Variants in ZFYVE16 observed in about 807,000 individuals in gnomAD.
ZFYVE16 encodes the protein zinc finger FYVE domain-containing protein 16.
A neutral mutation model predicts 138.1 loss-of-function variants in ZFYVE16; 89 were observed. The observed-to-expected ratio is 0.64, with a 90% CI of 0.54 to 0.77. The LOEUF (loss-of-function observed/expected upper bound fraction) is 0.77. ZFYVE16 is among the 30% of genes least tolerant of loss of function. The pLI is 0.00. For synonymous variants in ZFYVE16, 596 were observed against 618.3 expected (o/e 0.96, Z 0.53); for missense variants, 1,793 against 1,786.7 (o/e 1.00, Z -0.06).
At chr5:80,475,813 GTATATC>G (rs1482764026) in intron 18 of ZFYVE16, among the ~76,000 whole-genome samples, 1 of 152,174 alleles carries the variant, frequency 6.6e-6, no homozygotes, top group Non-Finnish European at 1.5e-5. Flanking sequence ...ATAAGCGTAA[GTATATC>G]TATAAGAAAA....
chr5:80,481,417 A>G lies in ZFYVE16; in HGVS notation c.*4040A>G, dbSNP rs1755265578. Among the ~76,000 whole-genome samples the G allele has an allele frequency of 6.6e-6, 1 of 152,204 alleles. No individual in the cohort carries two copies. Among genetic ancestry groups the G allele is most frequent in the Admixed American group, 6.6e-5 (1 of 15,266 alleles). On this transcript the variant is annotated 3_prime_UTR_variant, in exon 19 of 19. Transcript: ENST00000505560. ...TGTATGTGTGAAACTAACCAGAAGC[A>G]GCTGAGCAAAGGTTCTGAACACTGA...
chr5:80,437,048 A>T lies in ZFYVE16; in HGVS notation c.363A>T (p.Arg121=), dbSNP rs1382407345. ...SDEIQPLYMG[R]CSKPICDLIS... Reference sequence around the variant, plus strand: ...AAATCCAGCCGTTATATATGGGACGATGTAGTAAACCTATCTGTGATCTGA... The same window carrying T: ...AAATCCAGCCGTTATATATGGGACGTTGTAGTAAACCTATCTGTGATCTGA... Residue 121 remains arginine, a synonymous_variant, in exon 4 of 19, where the codon CGA becomes CGT. Transcript: ENST00000505560. 1 of 1,614,062 alleles carries T rather than the reference A, an allele frequency of 6.2e-7. No homozygotes were observed. The highest frequency in any genetic ancestry group is 1.3e-5 in the African/African-American group (1 of 74,940).
chr5:80,409,054 A>T lies in ZFYVE16; in HGVS notation c.-94+901A>T, dbSNP rs74901135. Among the ~76,000 whole-genome samples the T allele has an allele frequency of 1.7e-3, 264 of 152,370 alleles. 5 individuals carry two copies. In the East Asian group the frequency reaches 0.047, roughly 27 times the overall value. Reference sequence around the variant, plus strand: ...CAAAAATTGAAAAAATAGAATAAAGAATAAGGAAAAATGATCAATCATAAT... The same window carrying T: ...CAAAAATTGAAAAAATAGAATAAAGTATAAGGAAAAATGATCAATCATAAT... On this transcript the variant is annotated intron_variant, in intron 1 of 18. Coordinates refer to ENST00000505560, the MANE Select transcript of ZFYVE16 (RefSeq NM_001284236.3).
At chr5:80,456,838 A>T (rs1752577569) in intron 13 of ZFYVE16, 107 bp from the exon 14 acceptor site, 8 of 1,322,504 alleles carry the variant, frequency 6.0e-6, no homozygotes. Context: ...AGCTGTCCAG[A>T]CCGAAGCTTG....
At chr5:80,441,605 T>G in intron 5 of ZFYVE16, 4 of 985,344 alleles carry the variant, frequency 4.1e-6, no homozygotes, top group Non-Finnish European at 4.8e-6. Context: ...CATGAAGGAT[T>G]GGAAGAAAAA....
chr5:80,446,284 C>T (rs971979783), intron 7 of ZFYVE16, among the ~76,000 whole-genome samples: 1 of 151,940 alleles, frequency 6.6e-6, no homozygotes, highest in Non-Finnish European at 1.5e-5. Context: ...ATTGAGAACC[C>T]TAAAGTGCTA....
chr5:80,439,748 A>C (rs1254419095), intron 4 of ZFYVE16, among the ~76,000 whole-genome samples, 188 bp from the exon 5 acceptor site: 6 of 152,182 alleles, frequency 3.9e-5, no homozygotes. Context: ...ATCAAATTGC[A>C]GAAACCTCAT....
At chr5:80,439,418 A>G (rs368087149) in intron 4 of ZFYVE16, among the ~76,000 whole-genome samples, 1 of 152,140 alleles carries the variant, frequency 6.6e-6, no homozygotes, top group African/African-American at 2.4e-5. Context: ...TCCAGAGCAA[A>G]TTGGCTTCCA....
chr5:80,456,596 T>C (rs376980363), intron 13 of ZFYVE16, 31 bp downstream of exon 13: 2 of 1,561,818 alleles, frequency 1.3e-6, no homozygotes, highest in Non-Finnish European at 8.8e-7. Flanking sequence ...CAAATGACAA[T>C]TATTGAACAT....
chr5:80,422,151 C>G (rs1489591353), intron 1 of ZFYVE16, among the ~76,000 whole-genome samples: 1 of 152,052 alleles, frequency 6.6e-6, no homozygotes, highest in Admixed American at 6.6e-5. Flanking sequence ...AATTTTGTAT[C>G]CTGAGACTTT....
At chr5:80,449,537 A>T in intron 8 of ZFYVE16, 54 bp from the exon 9 acceptor site, 1 of 1,536,232 alleles carries the variant, frequency 6.5e-7, no homozygotes, top group Admixed American at 2.3e-5. Flanking sequence ...TTTCATTTGT[A>T]AGCATATTTA....
chr5:80,459,600 A>G (rs1370021804), intron 15 of ZFYVE16, 106 bp downstream of exon 15: 1 of 912,194 alleles, frequency 1.1e-6, no homozygotes, highest in South Asian at 1.9e-5. Context: ...TATAAAGCAC[A>G]GTACCACAAA....
intron 1 of ZFYVE16, among the ~76,000 whole-genome samples, chr5:80,414,076 T>C (rs1745853112): frequency 6.6e-6 from 1 of 152,238 alleles, no homozygotes; most frequent in Non-Finnish European, 1.5e-5. Context: ...TTATTTCCTT[T>C]CTTGTATAAT....
chr5:80,466,968 T>C (rs1210153149), intron 15 of ZFYVE16, among the ~76,000 whole-genome samples: 1 of 152,214 alleles, frequency 6.6e-6, no homozygotes, highest in Non-Finnish European at 1.5e-5. Flanking sequence ...AGCAGGCTTA[T>C]AGCCAGTGGT....
intron 2 of ZFYVE16, among the ~76,000 whole-genome samples, chr5:80,432,325 G>C (rs893873113): frequency 6.6e-6 from 1 of 152,100 alleles, no homozygotes; most frequent in African/African-American, 2.4e-5. Context: ...ACAAAAACAA[G>C]AAATGGGGAA....
chr5:80,467,617 C>T (rs965690996), intron 15 of ZFYVE16, among the ~76,000 whole-genome samples: 1 of 152,192 alleles, frequency 6.6e-6, no homozygotes, highest in African/African-American at 2.4e-5. Flanking sequence ...TAACAACAAA[C>T]AGCAACAAAA....
intron 1 of ZFYVE16, among the ~76,000 whole-genome samples, chr5:80,418,284 T>TTCCCC (rs1185643331): frequency 2.1e-5 from 3 of 143,068 alleles, no homozygotes; most frequent in African/African-American, 7.8e-5. Context: ...TTCTTTTCCC[T>TTCCCC]TCCCCTCCCC....
In ZFYVE16 at chr5:80,481,797, C is replaced by A. The variant is rs754200759; in HGVS notation, c.*4420C>A. 1.9e-4 allele frequency among the ~76,000 whole-genome samples: 29 copies of A among 152,140 alleles called. No homozygotes were observed. Among genetic ancestry groups the A allele is most frequent in the Non-Finnish European group, 3.7e-4 (25 of 67,968 alleles). ...AAGGTTACCCAAATGTCAGAATTATCAGAAAAAGACTTAAAACTAGTTATT... is the reference window on the plus strand; with the variant it reads ...AAGGTTACCCAAATGTCAGAATTATAAGAAAAAGACTTAAAACTAGTTATT... On this transcript the variant is annotated 3_prime_UTR_variant, in exon 19 of 19. Transcript: ENST00000505560.
Position 80,482,140 on chromosome 5 carries a change from T to G in ZFYVE16, c.*4763T>G, listed in dbSNP as rs1755293980. Among the ~76,000 whole-genome samples, 1 of 152,172 alleles carries G rather than the reference T, an allele frequency of 6.6e-6. No individual in the cohort carries two copies. The highest frequency in any genetic ancestry group is 1.5e-5 in the Non-Finnish European group (1 of 68,034). ...CTGGCCGTTAAACTAGTTATTTTAA[T>G]CATGCTACACAAAGAAGACATTTCT... On this transcript the variant is annotated 3_prime_UTR_variant, in exon 19 of 19. Transcript: ENST00000505560.
Sources: gnomAD v4.1 joint callset for allele counts (sites outside exome capture counted in the v4.1 genomes callset) on GRCh38, gnomAD v4.1.1 for gene constraint, MANE v1.5 for transcripts, NCBI Gene and HGNC (gene_info 2026-07-23, HGNC 2026-07-21) for gene names.